Variants in SGCD observed in about 807,000 individuals in gnomAD.
SGCD encodes delta-sarcoglycan.
SGCD carries 18 observed loss-of-function variants against 36.6 expected under a neutral mutation model. That is an observed-to-expected ratio of 0.49 (90% CI 0.34 to 0.73). The LOEUF (loss-of-function observed/expected upper bound fraction) is 0.73, where lower values mean the gene tolerates loss of function less well. SGCD is among the 30% of genes least tolerant of loss of function. The pLI is 0.01. For missense variants in SGCD, 387 were observed against 346.7 expected (o/e 1.12, Z -0.92); for synonymous variants, 133 against 130.6 (o/e 1.02, Z -0.12).
chr5:156,728,959 T>G (rs887098911), intron 7 of SGCD, among the ~76,000 whole-genome samples: 1 of 152,238 alleles, frequency 6.6e-6, no homozygotes, highest in African/African-American at 2.4e-5. Context: ...TTAATGCAGT[T>G]CAGGAAGAAG....
At chr5:156,031,336 T>C (rs1759346009) in intron 1 of SGCD, among the ~76,000 whole-genome samples, 1 of 152,088 alleles carries the variant, frequency 6.6e-6, no homozygotes, top group Non-Finnish European at 1.5e-5. Flanking sequence ...ACAAGAGGCC[T>C]AGAAACCCTT....
intron 1 of SGCD, among the ~76,000 whole-genome samples, chr5:156,076,115 T>G (rs150219337): frequency 3.4e-4 from 51 of 152,222 alleles, no homozygotes; most frequent in Admixed American, 2.5e-3. Flanking sequence ...GCGGTCGCCA[T>G]ACTGAAATAG....
the SGCD span, among the ~76,000 whole-genome samples, chr5:155,859,774 A>G: frequency 6.6e-6 from 1 of 152,212 alleles, no homozygotes; most frequent in South Asian, 2.1e-4. Context: ...GGGAGCCTAG[A>G]AATACTCAAA....
intron 3 of SGCD, among the ~76,000 whole-genome samples, chr5:156,213,366 G>A (rs1377784301): frequency 6.6e-6 from 1 of 151,946 alleles, no homozygotes; most frequent in Non-Finnish European, 1.5e-5. Flanking sequence ...GGGCAACGTG[G>A]AAGAAATGGA....
intron 1 of SGCD, among the ~76,000 whole-genome samples, chr5:156,005,966 CTTTTT>C (rs779394704): frequency 6.6e-6 from 1 of 152,098 alleles, no homozygotes; most frequent in Non-Finnish European, 1.5e-5. Context: ...CAGTTTCCCC[CTTTTT>C]TGTGGCAAAT....
At chr5:156,666,952 A>T (rs538955632) in intron 7 of SGCD, among the ~76,000 whole-genome samples, 13 of 152,304 alleles carry the variant, frequency 8.5e-5, no homozygotes, top group Middle Eastern at 6.8e-3. Flanking sequence ...CTCAAAAACT[A>T]ATAATAAATA....
chr5:155,903,854 A>C (rs1756444690), intron 1 of SGCD, among the ~76,000 whole-genome samples: 1 of 152,178 alleles, frequency 6.6e-6, no homozygotes, highest in Non-Finnish European at 1.5e-5. Context: ...AAGAGAAAAC[A>C]ACTTTCAACT....
At chr5:155,994,484 A>G (rs1162951447) in intron 1 of SGCD, among the ~76,000 whole-genome samples, 1 of 152,172 alleles carries the variant, frequency 6.6e-6, no homozygotes, top group Non-Finnish European at 1.5e-5. Context: ...GCAGGAAGCA[A>G]GGTCATATTT....
At chr5:156,657,199 A>G (rs1027557710) in intron 7 of SGCD, among the ~76,000 whole-genome samples, 4 of 151,762 alleles carry the variant, frequency 2.6e-5, no homozygotes, top group Non-Finnish European at 5.9e-5. Context: ...CAGTACCAAA[A>G]TATTGGATAA....
intron 7 of SGCD, among the ~76,000 whole-genome samples, chr5:156,664,420 G>T (rs1273926603): frequency 6.7e-6 from 1 of 149,566 alleles, no homozygotes; most frequent in Non-Finnish European, 1.5e-5. Flanking sequence ...CACAAAATCA[G>T]GGTAGGGCTC....
intron 1 of SGCD, among the ~76,000 whole-genome samples, chr5:155,957,807 A>G (rs569735736): frequency 6.6e-6 from 1 of 152,230 alleles, no homozygotes; most frequent in African/African-American, 2.4e-5. Context: ...CATATAATAC[A>G]ACCTACTCAC....
At chr5:156,440,936 G>A (rs1463254155) in intron 3 of SGCD, among the ~76,000 whole-genome samples, 1 of 151,946 alleles carries the variant, frequency 6.6e-6, no homozygotes, top group Non-Finnish European at 1.5e-5. Flanking sequence ...TATTTTTGAA[G>A]CACAGTAGTT....
At chr5:155,818,068 C>T in the SGCD span, among the ~76,000 whole-genome samples, 38 of 152,034 alleles carry the variant, frequency 2.5e-4, no homozygotes, top group Non-Finnish European at 4.1e-4. Flanking sequence ...TATTGATTGC[C>T]GAGAAGAATA....
chr5:156,544,778 T>G (rs1042433428), intron 4 of SGCD, among the ~76,000 whole-genome samples: 10 of 152,190 alleles, frequency 6.6e-5, no homozygotes, highest in Middle Eastern at 3.2e-3. Context: ...TAATAGTCAT[T>G]ACTATTATTA....
intron 3 of SGCD, among the ~76,000 whole-genome samples, chr5:156,156,514 C>G (rs1183502952): frequency 6.6e-6 from 1 of 151,468 alleles, no homozygotes; most frequent in East Asian, 1.9e-4. Context: ...GTCCCAACTA[C>G]TTAGGAGACT....
At chr5:156,356,812 GT>G (rs1392701538) in intron 3 of SGCD, among the ~76,000 whole-genome samples, 5 of 152,166 alleles carry the variant, frequency 3.3e-5, no homozygotes, top group Admixed American at 3.3e-4. Context: ...TCAATGACAA[GT>G]GTCCTCATAA....
intron 4 of SGCD, among the ~76,000 whole-genome samples, chr5:156,570,222 T>G (rs1759662879): frequency 6.6e-6 from 1 of 151,976 alleles, no homozygotes; most frequent in Non-Finnish European, 1.5e-5. Context: ...GTGGCACTGT[T>G]GTTTGGCATT....
chr5:155,778,210 G>A, the SGCD span, among the ~76,000 whole-genome samples: 3 of 152,296 alleles, frequency 2.0e-5, no homozygotes, highest in East Asian at 5.8e-4. Flanking sequence ...GTTGCTGGTA[G>A]ATATTTGAAG....
intron 1 of SGCD, among the ~76,000 whole-genome samples, chr5:155,894,925 C>T (rs1756214115): frequency 6.6e-6 from 1 of 152,170 alleles, no homozygotes; most frequent in African/African-American, 2.4e-5. Flanking sequence ...ACCCCTGCCA[C>T]CCCTGGTCCA....
Sources: allele counts gnomAD v4.1 joint callset (sites outside exome capture counted in the v4.1 genomes callset), GRCh38; gene constraint gnomAD v4.1.1; transcripts MANE v1.5; gene names NCBI Gene and HGNC (gene_info 2026-07-23, HGNC 2026-07-21).